Variants in SLC4A4 observed in about 807,000 individuals in gnomAD.
SLC4A4 encodes solute carrier family 4 member 4.
A neutral mutation model predicts 111.5 loss-of-function variants in SLC4A4; 27 were observed. That is an observed-to-expected ratio of 0.24 (90% CI 0.18 to 0.33). The LOEUF is 0.33. Among genes scored for constraint, SLC4A4 ranks in the 10% least tolerant of loss-of-function variants. The probability of loss-of-function intolerance (pLI) is 1.00; values close to 1 mark genes in which losing one functional copy is unlikely to be tolerated. For missense variants in SLC4A4, 909 were observed against 1,315.5 expected, an observed-to-expected ratio of 0.69 and a Z score of 4.78; for synonymous variants, 443 against 463.4, an observed-to-expected ratio of 0.96 and a Z score of 0.57.
At chr4:71,334,754 A>G (rs1322419171) in intron 3 of SLC4A4, among the ~76,000 whole-genome samples, 1 of 152,226 alleles carries the variant, frequency 6.6e-6, no homozygotes, top group Non-Finnish European at 1.5e-5. Flanking sequence ...TCCTTCTTCC[A>G]TTCCATTTTG....
intron 18 of SLC4A4, among the ~76,000 whole-genome samples, chr4:71,545,537 G>A (rs763939255): frequency 9.9e-5 from 15 of 151,768 alleles, no homozygotes; most frequent in African/African-American, 1.9e-4. Context: ...ATAACATTGC[G>A]GACACATTTA....
chr4:71,527,706 AAG>A (rs1491307425), intron 16 of SLC4A4, among the ~76,000 whole-genome samples: 3 of 151,846 alleles, frequency 2.0e-5, no homozygotes, highest in Non-Finnish European at 1.5e-5. Flanking sequence ...TAAAAAAAAA[AAG>A]GAGGAGAGCT....
intron 13 of SLC4A4, among the ~76,000 whole-genome samples, chr4:71,468,980 G>C (rs564704553): frequency 6.6e-6 from 1 of 152,084 alleles, no homozygotes; most frequent in East Asian, 1.9e-4. Context: ...ATTTATTTCT[G>C]AGGTTTTGAT....
intron 14 of SLC4A4, among the ~76,000 whole-genome samples, chr4:71,481,874 A>G (rs1326083503): frequency 1.3e-5 from 2 of 151,414 alleles, no homozygotes; most frequent in Admixed American, 6.6e-5. Context: ...CCAGTATGAA[A>G]CAGAGATTGT....
In SLC4A4 at chr4:71,553,855, C is replaced by G. The variant is rs796540378; in HGVS notation, c.2695-1285C>G. Among the ~76,000 whole-genome samples, 5 of 151,990 alleles carry G rather than the reference C, an allele frequency of 3.3e-5. 1 individual carries two copies. Among genetic ancestry groups the G allele is most frequent in the African/African-American group, 1.2e-4 (5 of 41,530 alleles). On this transcript the variant is annotated intron_variant, in intron 20 of 25. Coordinates refer to ENST00000264485, the MANE Select transcript of SLC4A4 (RefSeq NM_001098484.3). Reference sequence around the variant, plus strand: ...AGCTTCCCCAGCAGGAACATCATCCCTCCTACCCCCGTCAACATTCTATGT... The same window carrying G: ...AGCTTCCCCAGCAGGAACATCATCCGTCCTACCCCCGTCAACATTCTATGT...
At chr4:71,318,654 T>A in intron 3 of SLC4A4, among the ~76,000 whole-genome samples, 1 of 151,974 alleles carries the variant, frequency 6.6e-6, no homozygotes, top group East Asian at 1.9e-4. Flanking sequence ...TTGGTGTGTT[T>A]TAAAGTAGGA....
At chr4:71,519,023 G>C (rs962186133) in intron 16 of SLC4A4, among the ~76,000 whole-genome samples, 2 of 152,206 alleles carry the variant, frequency 1.3e-5, no homozygotes, top group Admixed American at 1.3e-4. Context: ...TGAGGTTGAA[G>C]AAGGGGTAAT....
In SLC4A4 at chr4:71,316,324, C is replaced by G. The variant is rs565143352; in HGVS notation, c.254-23046C>G. On this transcript the variant is annotated intron_variant, in intron 3 of 25. Coordinates refer to ENST00000264485, the MANE Select transcript of SLC4A4 (RefSeq NM_001098484.3). ...GAAGAAAACCCTCCCTCTGAACATT[C>G]TGGACCTTAACAAATAACTCTATCT... 3.3e-5 allele frequency among the ~76,000 whole-genome samples: 5 copies of G among 152,246 alleles called. No individual in the cohort carries two copies. The East Asian group carries it at 9.7e-4, about 29-fold the overall frequency.
chr4:71,471,773 G>A (rs4600889), intron 13 of SLC4A4, among the ~76,000 whole-genome samples: 16,071 of 151,870 alleles, frequency 0.11, 1,491 homozygotes, highest in East Asian at 0.46. Context: ...TAATCAATCA[G>A]TTGTAAGAAA....
intron 1 of SLC4A4, among the ~76,000 whole-genome samples, chr4:71,203,896 A>G (rs1052651018): frequency 2.7e-5 from 4 of 149,168 alleles, no homozygotes; most frequent in Non-Finnish European, 4.4e-5. Flanking sequence ...AAAGTTTTAC[A>G]TGTGACATGT....
At chr4:71,452,893 T>C (rs1406236006) in intron 11 of SLC4A4, among the ~76,000 whole-genome samples, 1 of 152,198 alleles carries the variant, frequency 6.6e-6, no homozygotes, top group Non-Finnish European at 1.5e-5. Context: ...CTTTCCCATT[T>C]AATTTTTCTT....
chr4:71,225,722 T>C (rs2149027202), intron 1 of SLC4A4, among the ~76,000 whole-genome samples: 1 of 152,220 alleles, frequency 6.6e-6, no homozygotes, highest in African/African-American at 2.4e-5. Context: ...CATGATCAGG[T>C]GCCATGGAGC....
At chr4:71,197,081 G>A (rs1746044786) in intron 1 of SLC4A4, among the ~76,000 whole-genome samples, 1 of 151,796 alleles carries the variant, frequency 6.6e-6, no homozygotes, top group Non-Finnish European at 1.5e-5. Context: ...CAGGCATGGT[G>A]GTGGGCACCT....
At chr4:71,211,794 G>GTA (rs1718147912) in intron 1 of SLC4A4, among the ~76,000 whole-genome samples, 1 of 131,142 alleles carries the variant, frequency 7.6e-6, no homozygotes, top group Non-Finnish European at 1.6e-5. Flanking sequence ...TTTTTTTTGT[G>GTA]TGTGAACAGC....
intron 7 of SLC4A4, among the ~76,000 whole-genome samples, chr4:71,423,732 C>A (rs1197860814): frequency 3.3e-5 from 5 of 152,252 alleles, no homozygotes; most frequent in African/African-American, 9.6e-5. Flanking sequence ...GAAAAACAAG[C>A]AATGGGGAAA....
chr4:71,319,977 A>G (rs1726991010), intron 3 of SLC4A4, among the ~76,000 whole-genome samples: 1 of 151,962 alleles, frequency 6.6e-6, no homozygotes, highest in African/African-American at 2.4e-5. Context: ...CATTTGCAGA[A>G]TCCCATCTTT....
chr4:71,090,614 C>T (rs1049955830), intron 1 of SLC4A4, among the ~76,000 whole-genome samples: 2 of 152,188 alleles, frequency 1.3e-5, no homozygotes, highest in Admixed American at 1.3e-4. Flanking sequence ...CATCTTCATT[C>T]TTAGAAAAAC....
rs1187451910 is a variant in SLC4A4, at chr4:71,357,185, A to G, written c.728A>G (p.Asn243Ser). Reference sequence around the variant, plus strand: ...AGTAGGATGTTTACCAACCCTGATAATGGTAATGCAGAGGCCAGCTGGCTG... The same window carrying G: ...AGTAGGATGTTTACCAACCCTGATAGTGGTAATGCAGAGGCCAGCTGGCTG... ...SASRMFTNPDNGSPAMTHRNL... is the reference protein window; with the variant it reads ...SASRMFTNPDSGSPAMTHRNL... Residue 243 changes from asparagine to serine, a missense_variant and splice_region_variant, in exon 6 of 26, where the codon AAT becomes AGT. Physicochemically the swap from Asn to Ser is conservative, Grantham distance 46 (BLOSUM62 1). Transcript: ENST00000264485. 2 of 1,614,010 alleles carry G rather than the reference A, an allele frequency of 1.2e-6. No individual in the cohort carries two copies. The highest frequency in any genetic ancestry group is 8.5e-7 in the Non-Finnish European group (1 of 1,179,924).
chr4:71,483,782 T>C (rs1729113118), intron 14 of SLC4A4, among the ~76,000 whole-genome samples: 2 of 152,012 alleles, frequency 1.3e-5, no homozygotes, highest in Admixed American at 1.3e-4. Flanking sequence ...TAATTTACAC[T>C]CCCACCAACA....
Sources: allele counts gnomAD v4.1 joint callset (sites outside exome capture counted in the v4.1 genomes callset), GRCh38; gene constraint gnomAD v4.1.1; transcripts MANE v1.5; gene names NCBI Gene and HGNC (gene_info 2026-07-23, HGNC 2026-07-21).